The following PHKB variants were observed in gnomAD, a reference collection of about 807,000 sequenced individuals.
The protein encoded by PHKB is phosphorylase kinase regulatory subunit beta.
PHKB carries 122 observed loss-of-function variants against 152.1 expected under a neutral mutation model. That is an observed-to-expected ratio of 0.80 (90% CI 0.69 to 0.93). PHKB has a LOEUF of 0.93. Ranked by LOEUF, PHKB falls within the 40% of genes least tolerant of loss-of-function variation. The pLI is 0.00. For missense variants in PHKB, 1,304 were observed against 1,328.4 expected (o/e 0.98, Z 0.29); for synonymous variants, 436 against 464.9 (o/e 0.94, Z 0.80).
intron 16 of PHKB, among the ~76,000 whole-genome samples, chr16:47,643,134 T>C (rs910439461): frequency 1.3e-5 from 2 of 152,172 alleles, no homozygotes; most frequent in African/African-American, 4.8e-5. Context: ...AGTAGGTGAG[T>C]TTATATCCTA....
At chr16:47,559,409 A>C (rs1971437992) in intron 7 of PHKB, among the ~76,000 whole-genome samples, 1 of 152,214 alleles carries the variant, frequency 6.6e-6, no homozygotes, top group Non-Finnish European at 1.5e-5. Flanking sequence ...AGAGGCATAA[A>C]AACAACAACA....
chr16:47,682,068 C>T (rs558484045), intron 26 of PHKB, among the ~76,000 whole-genome samples: 4 of 152,136 alleles, frequency 2.6e-5, no homozygotes, highest in African/African-American at 7.2e-5. Flanking sequence ...AAAATTCTTT[C>T]CTTTAAGAAT....
At chr16:47,675,517 ACACTCTCTCTCTCT>A (rs1301298720) in intron 26 of PHKB, 2 of 144,446 alleles carry the variant, frequency 1.4e-5, no homozygotes, top group Non-Finnish European at 3.0e-5. Flanking sequence ...ACACACACAC[ACACTCTCTCTCTCT>A]CTCTCTCTCT....
rs575736531 is a variant in PHKB, at chr16:47,472,325, G to A, written c.76+10899G>A. Among the ~76,000 whole-genome samples, 9 of 152,238 alleles carry A rather than the reference G, an allele frequency of 5.9e-5. No individual in the cohort carries two copies. In the South Asian group the frequency reaches 1.5e-3, roughly 25 times the overall value. On this transcript the variant is annotated intron_variant, in intron 1 of 30. Transcript: ENST00000323584. ...TATGCAATTAAGACATATCTTTTATGGTTTTGGGACACATCTATTTTCAAA... is the reference window on the plus strand; with the variant it reads ...TATGCAATTAAGACATATCTTTTATAGTTTTGGGACACATCTATTTTCAAA...
chr16:47,514,767 C>T (rs1165187483), intron 5 of PHKB, among the ~76,000 whole-genome samples: 1 of 152,172 alleles, frequency 6.6e-6, no homozygotes, highest in East Asian at 1.9e-4. Context: ...TGCTTCTTTA[C>T]CTGAGACAAT....
intron 1 of PHKB, among the ~76,000 whole-genome samples, chr16:47,466,889 C>T (rs1347382474): frequency 6.6e-6 from 1 of 152,056 alleles, no homozygotes; most frequent in East Asian, 1.9e-4. Flanking sequence ...GTTGTGGCCT[C>T]CTTTAAGAGC....
intron 14 of PHKB, among the ~76,000 whole-genome samples, chr16:47,617,752 A>G (rs547817888): frequency 2.6e-4 from 40 of 152,326 alleles, no homozygotes; most frequent in Admixed American, 1.4e-3. Context: ...CATCCCATCC[A>G]GAGGTGACGG....
intron 4 of PHKB, among the ~76,000 whole-genome samples, chr16:47,508,068 C>A (rs1970450742): frequency 6.6e-6 from 1 of 152,214 alleles, no homozygotes; most frequent in South Asian, 2.1e-4. Flanking sequence ...TCTCCCTTCT[C>A]CACTTCTATT....
intron 13 of PHKB, among the ~76,000 whole-genome samples, chr16:47,609,070 C>T (rs1972378765): frequency 6.6e-6 from 1 of 152,148 alleles, no homozygotes; most frequent in African/African-American, 2.4e-5. Flanking sequence ...AGGTTGAATA[C>T]ATTTTCTTCT....
intron 14 of PHKB, among the ~76,000 whole-genome samples, chr16:47,640,805 T>C (rs1225478119): frequency 6.6e-6 from 1 of 152,158 alleles, no homozygotes; most frequent in Non-Finnish European, 1.5e-5. Flanking sequence ...GTGGTAGTGA[T>C]GAGGTTTATG....
At chr16:47,650,366 C>T (rs905778019) in intron 18 of PHKB, among the ~76,000 whole-genome samples, 178 bp from the exon 19 acceptor site, 4 of 152,168 alleles carry the variant, frequency 2.6e-5, no homozygotes, top group African/African-American at 7.2e-5. Context: ...GCATAACTTG[C>T]GTGTACCCAG....
chr16:47,565,809 A>G (rs1971555147), intron 7 of PHKB: 5 of 1,464,410 alleles, frequency 3.4e-6, no homozygotes, highest in African/African-American at 1.4e-5. Flanking sequence ...AGCTGTGTCA[A>G]TGGGCTTTGT....
chr16:47,488,212 A>T (rs906580368), intron 1 of PHKB, among the ~76,000 whole-genome samples: 2 of 152,116 alleles, frequency 1.3e-5, no homozygotes, highest in African/African-American at 4.8e-5. Context: ...ATTTATTCAT[A>T]TGCTTGTTGG....
chr16:47,572,280 C>T (rs1971674059), intron 7 of PHKB, among the ~76,000 whole-genome samples: 1 of 152,180 alleles, frequency 6.6e-6, no homozygotes, highest in Non-Finnish European at 1.5e-5. Flanking sequence ...AGAGAATACC[C>T]TTTCCACAGA....
At position 47,474,201 on chromosome 16, in the gene PHKB, CT is replaced by C. The variant is rs370268085; in HGVS notation, c.76+12779del. Reference sequence around the variant, plus strand: ...TGATTTTTCATTTGTCATATAAAATCTTTTAAAGTTTATTGTTTTACTCCCT... The same window carrying C: ...TGATTTTTCATTTGTCATATAAAATCTTTAAAGTTTATTGTTTTACTCCCT... On this transcript the variant is annotated intron_variant, in intron 1 of 30. Coordinates refer to ENST00000323584, the MANE Select transcript of PHKB (RefSeq NM_000293.3). 2.2e-3 allele frequency among the ~76,000 whole-genome samples: 332 copies of C among 151,900 alleles called. 2 individuals carry two copies. The highest frequency in any genetic ancestry group is 0.02 in the Middle Eastern group (6 of 294).
At chr16:47,518,266 A>G (rs540755974) in intron 6 of PHKB, among the ~76,000 whole-genome samples, 1 of 152,220 alleles carries the variant, frequency 6.6e-6, no homozygotes, top group Admixed American at 6.5e-5. Flanking sequence ...AGATATACAT[A>G]TGTGCACACA....
At chr16:47,652,843 A>G (rs761760959) in intron 20 of PHKB, among the ~76,000 whole-genome samples, 2 of 152,036 alleles carry the variant, frequency 1.3e-5, no homozygotes, top group East Asian at 1.9e-4. Context: ...GCATCTTGCT[A>G]TGTTGCCCAG....
intron 14 of PHKB, among the ~76,000 whole-genome samples, chr16:47,616,758 C>A (rs867680905): frequency 6.6e-6 from 1 of 151,378 alleles, no homozygotes; most frequent in Non-Finnish European, 1.5e-5. Flanking sequence ...TAAAGACACA[C>A]GCACAGAAAT....
intron 23 of PHKB, 116 bp downstream of exon 23, chr16:47,661,916 C>G: frequency 1.3e-6 from 1 of 761,498 alleles, no homozygotes; most frequent in East Asian, 2.5e-5. Flanking sequence ...TTTCATTAAA[C>G]CTTCTTTTTC....
Sources: gnomAD v4.1 joint callset for allele counts (sites outside exome capture counted in the v4.1 genomes callset) on GRCh38, gnomAD v4.1.1 for gene constraint, MANE v1.5 for transcripts, NCBI Gene and HGNC (gene_info 2026-07-23, HGNC 2026-07-21) for gene names.